Variants in CNTNAP4 observed in about 807,000 individuals in gnomAD.
The protein encoded by CNTNAP4 is contactin-associated protein-like 4.
A neutral mutation model predicts 148.4 loss-of-function variants in CNTNAP4; 98 were observed. The ratio of observed to expected loss-of-function variants is 0.66; its 90% CI spans 0.56 to 0.78. CNTNAP4 has a LOEUF of 0.78. CNTNAP4 is among the 30% of genes least tolerant of loss of function. The pLI is 0.00. For missense variants in CNTNAP4, 1,935 were observed against 1,565.6 expected (o/e 1.24, Z -3.98); for synonymous variants, 730 against 565.1 (o/e 1.29, Z -4.14).
intron 21 of CNTNAP4, among the ~76,000 whole-genome samples, chr16:76,552,778 A>G (rs1042260822): frequency 1.3e-5 from 2 of 152,186 alleles, no homozygotes; most frequent in African/African-American, 4.8e-5. Flanking sequence ...GCCATAAAAT[A>G]TCAGAAAGCT....
intron 1 of CNTNAP4, among the ~76,000 whole-genome samples, chr16:76,292,535 A>G (rs13338983): frequency 0.44 from 62,444 of 141,844 alleles, 14,105 homozygotes; most frequent in African/African-American, 0.57. Flanking sequence ...GGCCTCTGAT[A>G]GGCTGCTGCA....
At chr16:76,526,881 C>T (rs1211798911) in intron 17 of CNTNAP4, among the ~76,000 whole-genome samples, 1 of 151,880 alleles carries the variant, frequency 6.6e-6, no homozygotes, top group Non-Finnish European at 1.5e-5. Context: ...GATATGTTGC[C>T]TAGGCTGGTC....
At chr16:76,294,323 T>C (rs1158389656) in intron 1 of CNTNAP4, among the ~76,000 whole-genome samples, 2 of 152,204 alleles carry the variant, frequency 1.3e-5, no homozygotes, top group East Asian at 3.9e-4. Context: ...GTAACCTGTG[T>C]GTTTCCTCTC....
intron 15 of CNTNAP4, among the ~76,000 whole-genome samples, chr16:76,518,206 C>G (rs1300998891): frequency 1.3e-5 from 2 of 152,146 alleles, no homozygotes; most frequent in Non-Finnish European, 2.9e-5. Context: ...GGGCTGACTG[C>G]AACCTCAGCC....
At chr16:76,385,400 G>C (rs1178724321) in intron 3 of CNTNAP4, among the ~76,000 whole-genome samples, 2 of 151,992 alleles carry the variant, frequency 1.3e-5, no homozygotes, top group Admixed American at 1.3e-4. Flanking sequence ...TAGCAATTTT[G>C]ATTATAAATT....
At chr16:76,543,352 A>G (rs1425294785) in intron 21 of CNTNAP4, among the ~76,000 whole-genome samples, 4 of 152,242 alleles carry the variant, frequency 2.6e-5, no homozygotes, top group African/African-American at 4.8e-5. Flanking sequence ...CAGTATATTT[A>G]TAGTGAAATA....
chr16:76,512,971 G>C (rs1384506179), intron 15 of CNTNAP4, among the ~76,000 whole-genome samples: 2 of 152,204 alleles, frequency 1.3e-5, no homozygotes, highest in Non-Finnish European at 2.9e-5. Flanking sequence ...GTTTTGTCAA[G>C]TGTTTGGGGA....
rs186545484 is a variant in CNTNAP4 at position 76,369,471 on chromosome 16, C to A, written c.390+13960C>A. On this transcript the variant is annotated intron_variant, in intron 3 of 23. Coordinates refer to ENST00000611870, the MANE Select transcript of CNTNAP4 (RefSeq NM_033401.5). ...CAGGATAACCAGGAAAGCTGGTGGT[C>A]TAATTTAGTCTAAGTCTGAAGACCC... Among the ~76,000 whole-genome samples the A allele has an allele frequency of 9.5e-4, 145 of 152,286 alleles. 2 individuals are homozygous for A. Among genetic ancestry groups the A allele is most frequent in the Admixed American group, 8.3e-3 (127 of 15,292 alleles).
At chr16:76,361,296 A>T (rs1328712626) in intron 3 of CNTNAP4, among the ~76,000 whole-genome samples, 1 of 151,866 alleles carries the variant, frequency 6.6e-6, no homozygotes, top group Non-Finnish European at 1.5e-5. Flanking sequence ...ACACCTCCTC[A>T]TTTCACCCTT....
In CNTNAP4 at chr16:76,355,840, T is replaced by TTTA. The variant is rs1238134663; in HGVS notation, c.390+331_390+332insATT. Among the ~76,000 whole-genome samples the TTTA allele has an allele frequency of 2.0e-3, 278 of 141,778 alleles. 2 individuals carry two copies. The highest frequency in any genetic ancestry group is 6.8e-3 in the African/African-American group (256 of 37,830). 93.0% of individuals were successfully genotyped at this position (141,778 alleles called of 152,430 possible). ...AAAAACATAATAGTCTTGCATTGTC[T>TTTA]TTTATTTATTTATTTATTTATTTAT... On this transcript the variant is annotated intron_variant, in intron 3 of 23. Coordinates refer to ENST00000611870, the MANE Select transcript of CNTNAP4 (RefSeq NM_033401.5).
chr16:76,348,812 G>A (rs1200254401), intron 2 of CNTNAP4, among the ~76,000 whole-genome samples: 2 of 150,156 alleles, frequency 1.3e-5, no homozygotes, highest in African/African-American at 2.5e-5. Flanking sequence ...ATTGGAGAGT[G>A]ATGTGGACCT....
intron 3 of CNTNAP4, among the ~76,000 whole-genome samples, chr16:76,405,757 A>C (rs527755791): frequency 2.1e-4 from 32 of 152,068 alleles, no homozygotes; most frequent in Non-Finnish European, 4.0e-4. Flanking sequence ...GTTCAAAACC[A>C]TGAGGTTCAG....
chr16:76,432,014 A>C (rs1214872426), intron 4 of CNTNAP4, among the ~76,000 whole-genome samples: 1 of 152,198 alleles, frequency 6.6e-6, no homozygotes, highest in Admixed American at 6.5e-5. Context: ...TATAAATATC[A>C]TTATTGTTAG....
At chr16:76,353,919 T>A (rs1436880767) in intron 2 of CNTNAP4, among the ~76,000 whole-genome samples, 1 of 152,182 alleles carries the variant, frequency 6.6e-6, no homozygotes, top group Non-Finnish European at 1.5e-5. Flanking sequence ...CAGCAAACAT[T>A]TATTGAGCAT....
chr16:76,520,983 T>C (rs1330158137), intron 15 of CNTNAP4, among the ~76,000 whole-genome samples, 157 bp from the exon 16 acceptor site: 1 of 152,182 alleles, frequency 6.6e-6, no homozygotes, highest in Admixed American at 6.5e-5. Context: ...TCATATCTTG[T>C]ATACTACATA....
At position 76,515,488 on chromosome 16, in the gene CNTNAP4, C is replaced by T. The variant is rs571173803; in HGVS notation, c.2366-5652C>T. 7.9e-5 allele frequency among the ~76,000 whole-genome samples: 12 copies of T among 152,270 alleles called. No homozygotes were observed. In the East Asian group the frequency reaches 2.3e-3, roughly 29 times the overall value. On this transcript the variant is annotated intron_variant, in intron 15 of 23. Coordinates refer to ENST00000611870, the MANE Select transcript of CNTNAP4 (RefSeq NM_033401.5). ...ACCATGTAAGGTCACAGGATGAAGGCAGTCATCTGCAAGCCAGGAAGAGAG... is the reference window on the plus strand; with the variant it reads ...ACCATGTAAGGTCACAGGATGAAGGTAGTCATCTGCAAGCCAGGAAGAGAG...
chr16:76,326,610 A>T (rs1962999147), intron 2 of CNTNAP4, among the ~76,000 whole-genome samples: 1 of 152,202 alleles, frequency 6.6e-6, no homozygotes, highest in Admixed American at 6.5e-5. Flanking sequence ...ATGGAATACT[A>T]TGCAGCCATA....
In CNTNAP4 at chr16:76,503,813, A is replaced by G. The variant is rs60859544; in HGVS notation, c.2365+5119A>G. Among the ~76,000 whole-genome samples the G allele has an allele frequency of 1.9e-3, 289 of 152,246 alleles. 1 individual carries two copies. The highest frequency in any genetic ancestry group is 0.011 in the Admixed American group (173 of 15,284). ...TTGTCTTTGCGATAGTTTGCTGAGAATGATGGTTTCCAAAAGTAAATTGTA... is the reference window on the plus strand; with the variant it reads ...TTGTCTTTGCGATAGTTTGCTGAGAGTGATGGTTTCCAAAAGTAAATTGTA... On this transcript the variant is annotated intron_variant, in intron 15 of 23. Coordinates refer to ENST00000611870, the MANE Select transcript of CNTNAP4 (RefSeq NM_033401.5).
In CNTNAP4 at chr16:76,399,074, T is replaced by C. The variant is rs535815597; in HGVS notation, c.391-28378T>C. 3.9e-5 allele frequency among the ~76,000 whole-genome samples: 6 copies of C among 152,262 alleles called. No individual in the cohort carries two copies. In the South Asian group the frequency reaches 8.3e-4, roughly 21 times the overall value. On this transcript the variant is annotated intron_variant, in intron 3 of 23. Transcript: ENST00000611870. Reference sequence around the variant, plus strand: ...GCGCAAGCTCTCTTGCCTGCCACCATGTAAGATATGCCTTTGCTTCTCCTT... The same window carrying C: ...GCGCAAGCTCTCTTGCCTGCCACCACGTAAGATATGCCTTTGCTTCTCCTT...
Sources: gnomAD v4.1 joint callset for allele counts (sites outside exome capture counted in the v4.1 genomes callset) on GRCh38, gnomAD v4.1.1 for gene constraint, MANE v1.5 for transcripts, NCBI Gene and HGNC (gene_info 2026-07-23, HGNC 2026-07-21) for gene names.